Variants in NCBP3 observed in about 807,000 individuals in gnomAD.
The protein encoded by NCBP3 is nuclear cap-binding protein subunit 3.
NCBP3 carries 20 observed loss-of-function variants against 75.7 expected under a neutral mutation model. That is an observed-to-expected ratio of 0.26 (90% CI 0.19 to 0.38). NCBP3 has a LOEUF of 0.38. Among genes scored for constraint, NCBP3 ranks in the 10% least tolerant of loss-of-function variants. NCBP3 has a pLI of 1.00. For missense variants in NCBP3, 678 were observed against 796.9 expected, an observed-to-expected ratio of 0.85 and a Z score of 1.80; for synonymous variants, 293 against 290.5, an observed-to-expected ratio of 1.01 and a Z score of -0.09.
chr17:3,823,073 G>C (rs1313637556), intron 7 of NCBP3, among the ~76,000 whole-genome samples: 1 of 152,192 alleles, frequency 6.6e-6, no homozygotes, highest in Non-Finnish European at 1.5e-5. Flanking sequence ...CAGTACTTTG[G>C]GAGGCTGAGG....
intron 1 of NCBP3, among the ~76,000 whole-genome samples, chr17:3,845,055 GGGGGGACCTCAAAGGGGTCTTGC>G (rs1301350976): frequency 1.3e-5 from 2 of 152,208 alleles, no homozygotes; most frequent in African/African-American, 4.8e-5. Flanking sequence ...AGAGGGGAAA[GGGGGGACCTCAAAGGGGTCTTGC>G]TATATTGCTG....
chr17:3,828,209 G>A (rs1184067571), intron 4 of NCBP3, among the ~76,000 whole-genome samples: 3 of 152,184 alleles, frequency 2.0e-5, no homozygotes, highest in Admixed American at 6.6e-5. Flanking sequence ...CTGAGCCACC[G>A]TGCCTGGCCT....
chr17:3,840,171 C>T lies in NCBP3; in HGVS notation c.284G>A (p.Arg95His), dbSNP rs1047423012. Reference protein sequence around the residue: ...AIEKKEQRAKRFHFRSEVNLA... With the variant: ...AIEKKEQRAKHFHFRSEVNLA... Reference sequence around the variant, plus strand: ...ATTTACTTCCGATCGAAAATGGAAGCGCTTGGCTCGCTGCTCTTTCTTTTC... The same window carrying T: ...ATTTACTTCCGATCGAAAATGGAAGTGCTTGGCTCGCTGCTCTTTCTTTTC... The change falls in exon 3 of 13, where the codon CGC becomes CAC. Residue 95 changes from arginine to histidine, a missense_variant. Arg to His is a conservative substitution (Grantham distance 29, BLOSUM62 0). Transcript: ENST00000389005. The T allele has an allele frequency of 1.3e-6, 2 of 1,551,594 alleles. No individual in the cohort carries two copies. Among genetic ancestry groups the T allele is most frequent in the African/African-American group, 1.4e-5 (1 of 73,040 alleles).
chr17:3,816,009 A>G, intron 11 of NCBP3, 107 bp downstream of exon 11: 7 of 1,047,308 alleles, frequency 6.7e-6, no homozygotes, highest in Non-Finnish European at 8.1e-6. Flanking sequence ...GAACCAGGAC[A>G]GCTAAATCAG....
Position 3,812,664 on chromosome 17 carries a change from C to T in NCBP3, c.*380G>A. 1 of 1,034,068 alleles carries T rather than the reference C, an allele frequency of 9.7e-7. No individual in the cohort carries two copies. Among genetic ancestry groups the T allele is most frequent in the Non-Finnish European group, 1.2e-6 (1 of 859,318 alleles). The allele number at this position is 1,034,068 out of a possible 1,614,324, so 64.1% of individuals were successfully genotyped here. On this transcript the variant is annotated 3_prime_UTR_variant, in exon 13 of 13. Transcript: ENST00000389005. Reference sequence around the variant, plus strand: ...AGGGTGCTGGTAACAGCTGTCAGGGCCAAGGCAATAGTGAGAAGTTCAGTT... The same window carrying T: ...AGGGTGCTGGTAACAGCTGTCAGGGTCAAGGCAATAGTGAGAAGTTCAGTT...
In NCBP3 at chr17:3,821,939, G is replaced by A; in HGVS notation, c.896+14C>T. On this transcript the variant is annotated intron_variant, in intron 8 of 12. Coordinates refer to ENST00000389005, the MANE Select transcript of NCBP3 (RefSeq NM_001114118.3). ...AAACTCAAATACTATTGCATTTGAA[G>A]GTTTTGGACTCACCATGAATTGCTA... 6.5e-7 allele frequency: 1 copy of A among 1,539,262 alleles called. No individual in the cohort carries two copies. The highest frequency in any genetic ancestry group is 8.9e-7 in the Non-Finnish European group (1 of 1,119,632).
intron 2 of NCBP3, among the ~76,000 whole-genome samples, chr17:3,840,964 T>C (rs1007509225): frequency 1.3e-5 from 2 of 152,188 alleles, no homozygotes; most frequent in African/African-American, 4.8e-5. Flanking sequence ...CTGATGGCTC[T>C]TAGGAACCCT....
intron 3 of NCBP3, among the ~76,000 whole-genome samples, chr17:3,829,687 T>C (rs1407640417): frequency 2.6e-5 from 4 of 152,164 alleles, no homozygotes; most frequent in Non-Finnish European, 4.4e-5. Flanking sequence ...ACAGGAGTAT[T>C]TGTTGAAGTT....
At chr17:3,835,566 G>T (rs1239047315) in intron 3 of NCBP3, among the ~76,000 whole-genome samples, 1 of 152,264 alleles carries the variant, frequency 6.6e-6, no homozygotes, top group African/African-American at 2.4e-5. Flanking sequence ...GTAACTGACG[G>T]ACAGAAATTA....
intron 4 of NCBP3, among the ~76,000 whole-genome samples, chr17:3,828,577 A>C (rs1008861671): frequency 3.3e-5 from 5 of 152,170 alleles, no homozygotes; most frequent in Admixed American, 6.6e-5. Context: ...GACTAGAAGT[A>C]AGTCAAGACA....
At chr17:3,823,204 G>A (rs2053703603) in intron 7 of NCBP3, among the ~76,000 whole-genome samples, 1 of 152,104 alleles carries the variant, frequency 6.6e-6, no homozygotes, top group South Asian at 2.1e-4. Context: ...CCAGCTACTA[G>A]GGAAGCTGAG....
intron 3 of NCBP3, among the ~76,000 whole-genome samples, chr17:3,835,826 G>A (rs1313081517): frequency 2.0e-5 from 3 of 152,348 alleles, no homozygotes; most frequent in African/African-American, 7.2e-5. Context: ...TTCAAATGTA[G>A]CGAGTCACTC....
intron 3 of NCBP3, among the ~76,000 whole-genome samples, chr17:3,832,782 C>CA (rs887379467): frequency 1.3e-5 from 2 of 151,854 alleles, no homozygotes; most frequent in African/African-American, 4.8e-5. Context: ...CCATTTAAAA[C>CA]AAAAAAAATT....
At chr17:3,845,347 T>C (rs917665094) in intron 1 of NCBP3, among the ~76,000 whole-genome samples, 1 of 152,176 alleles carries the variant, frequency 6.6e-6, no homozygotes, top group Non-Finnish European at 1.5e-5. Context: ...AAACCAGCTC[T>C]GAGAACTGGA....
At chr17:3,815,930 G>C (rs563040075) in intron 11 of NCBP3, among the ~76,000 whole-genome samples, 186 bp downstream of exon 11, 1 of 152,344 alleles carries the variant, frequency 6.6e-6, no homozygotes, top group East Asian at 1.9e-4. Context: ...TTTAAAGCTA[G>C]TTTTTCAGAA....
At chr17:3,835,325 A>G (rs2143699830) in intron 3 of NCBP3, among the ~76,000 whole-genome samples, 1 of 152,354 alleles carries the variant, frequency 6.6e-6, no homozygotes, top group South Asian at 2.1e-4. Context: ...CAACACTGAA[A>G]TGGCTGAGAC....
chr17:3,821,168 C>A (rs1012526878), intron 9 of NCBP3, 81 bp downstream of exon 9: 3 of 1,015,400 alleles, frequency 3.0e-6, no homozygotes, highest in African/African-American at 1.6e-5. Context: ...AAGTTTGGAA[C>A]CTTAAAAGAT....
intron 3 of NCBP3, among the ~76,000 whole-genome samples, chr17:3,837,221 G>A (rs566962014): frequency 2.7e-5 from 4 of 148,606 alleles, no homozygotes; most frequent in African/African-American, 7.4e-5. Context: ...ACTATCAGCC[G>A]GGCGCAGTGG....
rs1286588669 is a variant in NCBP3, at chr17:3,811,111, A to G, written c.*1933T>C. Reference sequence around the variant, plus strand: ...AGTAGAAATTCATGCTGGCGAGCCCACTGCCGTCACAGCTTGGGAAGAGTA... The same window carrying G: ...AGTAGAAATTCATGCTGGCGAGCCCGCTGCCGTCACAGCTTGGGAAGAGTA... On this transcript the variant is annotated 3_prime_UTR_variant, in exon 13 of 13. Coordinates refer to ENST00000389005, the MANE Select transcript of NCBP3 (RefSeq NM_001114118.3). The G allele has an allele frequency of 2.6e-5, 4 of 152,284 alleles. No individual in the cohort carries two copies. Among genetic ancestry groups the G allele is most frequent in the Non-Finnish European group, 2.9e-5 (2 of 68,122 alleles). 9.4% of individuals were successfully genotyped at this position (152,284 alleles called of 1,614,324 possible). A position where few individuals can be genotyped will look rare whatever the true frequency, so the allele number is the denominator to read the frequency against.
Sources: allele counts gnomAD v4.1 joint callset (sites outside exome capture counted in the v4.1 genomes callset), GRCh38; gene constraint gnomAD v4.1.1; transcripts MANE v1.5; gene names NCBI Gene and HGNC (gene_info 2026-07-23, HGNC 2026-07-21).